SYNE1: variants seen among roughly 807,000 people sequenced by gnomAD.
SYNE1 encodes spectrin repeat containing nuclear envelope protein 1.
In SYNE1, 616 loss-of-function variants were observed where a neutral mutation model predicts 1,111.0. The observed-to-expected ratio is 0.55, with a 90% CI of 0.52 to 0.59. The LOEUF (loss-of-function observed/expected upper bound fraction) is 0.59, where lower values mean the gene tolerates loss of function less well. Among genes scored for constraint, SYNE1 ranks in the 20% least tolerant of loss-of-function variants. The probability of loss-of-function intolerance (pLI) is 0.00; values close to 1 mark genes in which losing one functional copy is unlikely to be tolerated. For missense variants in SYNE1, 10,006 were observed against 10,417.0 expected, an observed-to-expected ratio of 0.96 and a Z score of 1.72; for synonymous variants, 3,855 against 3,825.8, an observed-to-expected ratio of 1.01 and a Z score of -0.28.
At chr6:152,405,114 AC>A in intron 45 of SYNE1, 1 of 152,332 alleles carries the variant, frequency 6.6e-6, no homozygotes, top group East Asian at 1.9e-4. Context: ...CTTGCTACTT[AC>A]CTACACTCAC....
chr6:152,172,247 T>A (rs2153096996), intron 130 of SYNE1, among the ~76,000 whole-genome samples: 1 of 152,272 alleles, frequency 6.6e-6, no homozygotes, highest in African/African-American at 2.4e-5. Flanking sequence ...GAAAGTGTTT[T>A]AAAATTGATT....
At chr6:152,598,367 G>A (rs1228876679) in intron 3 of SYNE1, among the ~76,000 whole-genome samples, 3 of 152,142 alleles carry the variant, frequency 2.0e-5, no homozygotes, top group Non-Finnish European at 4.4e-5. Flanking sequence ...CAGCCACGTG[G>A]AACTGTGAGC....
chr6:152,260,065 G>A (rs570538263), intron 101 of SYNE1, among the ~76,000 whole-genome samples: 4 of 152,250 alleles, frequency 2.6e-5, no homozygotes, highest in African/African-American at 4.8e-5. Context: ...AGATGAAAGC[G>A]GGTAATGGAT....
intron 3 of SYNE1, among the ~76,000 whole-genome samples, chr6:152,558,052 T>TA (rs2099377401): frequency 6.6e-6 from 1 of 152,138 alleles, no homozygotes; most frequent in Admixed American, 6.5e-5. Context: ...GTGACATTAA[T>TA]AATATAAAAC....
chr6:152,140,455 T>A (rs189918366), intron 139 of SYNE1, among the ~76,000 whole-genome samples: 6 of 152,298 alleles, frequency 3.9e-5, no homozygotes, highest in Non-Finnish European at 8.8e-5. Flanking sequence ...ATCGTTCAAT[T>A]CTTGGATCCT....
intron 115 of SYNE1, 39 bp downstream of exon 115, chr6:152,230,508 A>C: frequency 6.2e-7 from 1 of 1,603,730 alleles, no homozygotes; most frequent in South Asian, 1.1e-5. Context: ...ACGCTATGAA[A>C]TTGTGAGATG....
At chr6:152,430,255 T>C (rs756066437) in intron 35 of SYNE1, 45 bp from the exon 36 acceptor site, 2 of 1,482,048 alleles carry the variant, frequency 1.3e-6, no homozygotes, top group Non-Finnish European at 1.9e-6. Context: ...GAAAGATACA[T>C]AGCAAGACAA....
intron 125 of SYNE1, among the ~76,000 whole-genome samples, chr6:152,206,610 A>T (rs749100375): frequency 1.4e-4 from 21 of 152,296 alleles, no homozygotes; most frequent in East Asian, 1.9e-4. Context: ...GATGCGTGGA[A>T]ATACAGAGGG....
At chr6:152,379,565 C>T (rs554789014) in intron 56 of SYNE1, among the ~76,000 whole-genome samples, 1 of 152,200 alleles carries the variant, frequency 6.6e-6, no homozygotes, top group South Asian at 2.1e-4. Flanking sequence ...TTAACATTTT[C>T]TTACATATTC....
At chr6:152,344,029 T>G in intron 74 of SYNE1, 52 bp downstream of exon 74, 2 of 1,612,402 alleles carry the variant, frequency 1.2e-6, no homozygotes, top group Non-Finnish European at 1.7e-6. Flanking sequence ...ACATTTTCAC[T>G]GACGCTCTGA....
At chr6:152,411,551 C>T (rs1474644006) in intron 42 of SYNE1, among the ~76,000 whole-genome samples, 1 of 152,040 alleles carries the variant, frequency 6.6e-6, no homozygotes, top group African/African-American at 2.4e-5. Context: ...CCAAATCGGC[C>T]AACTTGAATA....
chr6:152,467,863 T>A (rs529637071), intron 16 of SYNE1, among the ~76,000 whole-genome samples: 2 of 152,266 alleles, frequency 1.3e-5, no homozygotes, highest in South Asian at 4.1e-4. Flanking sequence ...ATGGAGTAAA[T>A]GCATTTAGCA....
rs150637898 is a variant in SYNE1, at chr6:152,359,362, G to C, written c.10396C>G (p.Leu3466Val). ...MTEHYVTQLE[L>V]QDLQERYRAI... ...CTGTATCGTTCCTGTAGATCCTGGA[G>C]TTCTAGCTGGGTGACATAGTGTTCT... Residue 3466 changes from leucine (L) to valine (V), a missense_variant, in exon 65 of 146, where the codon CTC becomes GTC. Leu to Val is a conservative substitution (Grantham distance 32). This residue lies in a region of SYNE1 where 4,955 missense variants were observed against 5,017.2 expected (regional missense o/e 0.99). Coordinates refer to ENST00000367255, the MANE Select transcript of SYNE1 (RefSeq NM_182961.4). The C allele has an allele frequency of 8.8e-5, 142 of 1,614,160 alleles. No individual in the cohort carries two copies. The African/African-American group carries it at 1.8e-3, about 20-fold the overall frequency.
chr6:152,284,349 T>C (rs1232659348), intron 95 of SYNE1, among the ~76,000 whole-genome samples, 177 bp from the exon 96 acceptor site: 3 of 152,226 alleles, frequency 2.0e-5, no homozygotes, highest in Admixed American at 6.5e-5. Flanking sequence ...GGCCAGGACT[T>C]TTCTGATTTT....
chr6:152,387,144 C>T lies in SYNE1; in HGVS notation c.8415G>A (p.Glu2805=), dbSNP rs200537411. ...GAGCTGTGTCCTTGAAAGACTCATC[C>T]TCTGTCTTTTCGTAGAGCTCCCTGG... ...AKSRELYEKT[E]DESFKDTAQE... The change falls in exon 54 of 146, where the codon GAG becomes GAA. Residue 2805 remains glutamate, a synonymous_variant. Coordinates refer to ENST00000367255, the MANE Select transcript of SYNE1 (RefSeq NM_182961.4). 9.9e-6 allele frequency: 16 copies of T among 1,614,152 alleles called. No homozygotes were observed. Among genetic ancestry groups the T allele is most frequent in the Non-Finnish European group, 1.4e-5 (16 of 1,180,012 alleles).
rs2092047011 is a variant in SYNE1 at position 152,261,884 on chromosome 6, T to C, written c.18972+148A>G. ...TATGAAGGGAAATGTGAAATAGACT[T>C]GTTAAGAAAAATGTAGAGTGAAAAA... On this transcript the variant is annotated intron_variant, in intron 101 of 145. Coordinates refer to ENST00000367255, the MANE Select transcript of SYNE1 (RefSeq NM_182961.4). 1.6e-5 allele frequency: 9 copies of C among 567,264 alleles called. 1 individual carries two copies. In the South Asian group the frequency reaches 2.8e-4, roughly 17 times the overall value. The allele number at this position is 567,264 out of a possible 1,614,324, so 35.1% of individuals were successfully genotyped here.
At chr6:152,580,601 A>C (rs2099516083) in intron 3 of SYNE1, among the ~76,000 whole-genome samples, 1 of 152,106 alleles carries the variant, frequency 6.6e-6, no homozygotes, top group Non-Finnish European at 1.5e-5. Context: ...CTATGTCTAG[A>C]ATAGTATTTC....
intron 11 of SYNE1, among the ~76,000 whole-genome samples, chr6:152,489,781 G>A (rs2098960444): frequency 6.6e-6 from 1 of 152,114 alleles, no homozygotes. Flanking sequence ...TGTTTCCTAT[G>A]CCAGTGGTTC....
chr6:152,536,685 T>G (rs896724360), intron 4 of SYNE1, among the ~76,000 whole-genome samples: 1 of 151,498 alleles, frequency 6.6e-6, no homozygotes, highest in South Asian at 2.1e-4. Flanking sequence ...ATTCCCTATA[T>G]CTGTGAATAA....
Sources: gnomAD v4.1 joint callset for allele counts (sites outside exome capture counted in the v4.1 genomes callset) on GRCh38, gnomAD v4.1.1 for gene constraint, gnomAD v4.1.1 regional missense constraint, MANE v1.5 for transcripts, NCBI Gene and HGNC (gene_info 2026-07-23, HGNC 2026-07-21) for gene names.